The following PALLD variants were observed in gnomAD, a reference collection of about 807,000 sequenced individuals.
PALLD encodes the protein palladin.
A neutral mutation model predicts 123.5 loss-of-function variants in PALLD; 61 were observed. The ratio of observed to expected loss-of-function variants is 0.49; its 90% confidence interval spans 0.40 to 0.61. The LOEUF (loss-of-function observed/expected upper bound fraction) is 0.61, where lower values mean the gene tolerates loss of function less well. Among genes scored for constraint, PALLD ranks in the 20% least tolerant of loss-of-function variants. The pLI is 0.00. For synonymous variants in PALLD, 465 were observed against 496.4 expected (o/e 0.94, Z 0.84); for missense variants, 1,273 against 1,377.0 (o/e 0.92, Z 1.20).
intron 10 of PALLD, among the ~76,000 whole-genome samples, chr4:168,874,515 GATATTCTTAAAT>G (rs1751484433): frequency 6.6e-6 from 1 of 152,158 alleles, no homozygotes. Flanking sequence ...TTTGAAGTCA[GATATTCTTAAAT>G]ATATTCTTAA....
Position 168,878,390 on chromosome 4 carries a change from C to G in PALLD, c.1965-12532C>G, listed in dbSNP as rs979242789. On this transcript the variant is annotated intron_variant, in intron 10 of 21. Coordinates refer to ENST00000505667, the MANE Select transcript of PALLD (RefSeq NM_001166108.2). ...CCTGGGGCTGCCCAAGGGTGTCACC[C>G]CCGCGTGAGTAACCGCCGCGGTCCT... The G allele has an allele frequency of 1.3e-6, 2 of 1,490,662 alleles. No individual in the cohort carries two copies. The highest frequency in any genetic ancestry group is 2.2e-5 in the Admixed American group (1 of 44,556). The allele number at this position is 1,490,662 out of a possible 1,614,324, so 92.3% of individuals were successfully genotyped here. A position where few individuals can be genotyped will look rare whatever the true frequency, so the allele number is the denominator to read the frequency against.
At chr4:168,906,215 C>A (rs997678334) in intron 15 of PALLD, among the ~76,000 whole-genome samples, 5 of 152,066 alleles carry the variant, frequency 3.3e-5, no homozygotes, top group African/African-American at 1.2e-4. Flanking sequence ...ACACTGGGAA[C>A]CTGCTATTAA....
intron 10 of PALLD, among the ~76,000 whole-genome samples, chr4:168,783,255 A>G (rs953199698): frequency 1.3e-5 from 2 of 152,172 alleles, no homozygotes; most frequent in African/African-American, 2.4e-5. Flanking sequence ...ATTACTCAGT[A>G]TTAAAGGAAG....
intron 10 of PALLD, among the ~76,000 whole-genome samples, chr4:168,761,638 G>GT (rs1236899227): frequency 7.7e-4 from 15 of 19,512 alleles, no homozygotes; most frequent in Admixed American, 8.3e-4. Context: ...TTTTGTTGTT[G>GT]TTGTTTGTTT....
intron 10 of PALLD, among the ~76,000 whole-genome samples, chr4:168,731,395 C>A (rs190823668): frequency 8.3e-4 from 126 of 152,294 alleles, no homozygotes; most frequent in Middle Eastern, 6.8e-3. Flanking sequence ...CCCCTATTCC[C>A]AAGCTAGATG....
At chr4:168,796,889 G>A (rs1738588369) in intron 10 of PALLD, among the ~76,000 whole-genome samples, 1 of 152,128 alleles carries the variant, frequency 6.6e-6, no homozygotes, top group African/African-American at 2.4e-5. Flanking sequence ...TTAGCTAGAA[G>A]GAGCAAAGTA....
intron 10 of PALLD, among the ~76,000 whole-genome samples, chr4:168,854,237 A>G (rs1482099026): frequency 1.3e-5 from 2 of 152,136 alleles, no homozygotes; most frequent in Non-Finnish European, 2.9e-5. Context: ...TGAACAGAAT[A>G]GATGTGAACT....
chr4:168,673,503 G>A (rs1352448967), intron 3 of PALLD, among the ~76,000 whole-genome samples: 4 of 152,212 alleles, frequency 2.6e-5, no homozygotes, highest in African/African-American at 9.6e-5. Flanking sequence ...GCCGCAGCCG[G>A]GGTATGCCGG....
chr4:168,720,509 A>G (rs906583390), intron 10 of PALLD, among the ~76,000 whole-genome samples: 1 of 152,222 alleles, frequency 6.6e-6, no homozygotes, highest in Admixed American at 6.5e-5. Context: ...GTTTGTTGTT[A>G]TAAAATTATA....
chr4:168,621,295 A>G (rs899658419), intron 2 of PALLD, among the ~76,000 whole-genome samples: 4 of 152,200 alleles, frequency 2.6e-5, no homozygotes, highest in Non-Finnish European at 5.9e-5. Context: ...AACTTCTCTC[A>G]TCACTACTAA....
At chr4:168,764,784 G>A (rs1169495323) in intron 10 of PALLD, among the ~76,000 whole-genome samples, 3 of 152,240 alleles carry the variant, frequency 2.0e-5, no homozygotes, top group Non-Finnish European at 1.5e-5. Flanking sequence ...CTCTAAGCAA[G>A]TTTTCCTTTC....
rs1190155136 is a variant in PALLD, at chr4:168,584,555, G to T, written c.908+72143G>T. On this transcript the variant is annotated intron_variant, in intron 2 of 21. Transcript: ENST00000505667. The stretch of plus-strand genomic sequence containing the variant: ...ATTTGTGTGATTGCCTTCATGAAAA[G>T]TTGGATATATAAAATAAATGTCACT... 2.0e-5 allele frequency among the ~76,000 whole-genome samples: 3 copies of T among 152,166 alleles called. No individual in the cohort carries two copies. The East Asian group carries it at 5.8e-4, about 29-fold the overall frequency.
intron 2 of PALLD, among the ~76,000 whole-genome samples, chr4:168,622,561 G>A (rs1052638174): frequency 2.1e-4 from 32 of 152,150 alleles, no homozygotes; most frequent in Non-Finnish European, 3.5e-4. Flanking sequence ...GTGGAAACGC[G>A]TATGTTTTCT....
rs113464888 is a variant in PALLD, at chr4:168,870,533, T to C, written c.1965-20389T>C. The stretch of plus-strand genomic sequence containing the variant: ...GTTTTTCAAAAACAGTTTAAATAGG[T>C]GTGAAAACAGCATATGCATAAGGTT... On this transcript the variant is annotated intron_variant, in intron 10 of 21. Transcript: ENST00000505667. Among the ~76,000 whole-genome samples the C allele has an allele frequency of 9.3e-4, 141 of 152,296 alleles. 1 individual carries two copies. The highest frequency in any genetic ancestry group is 3.3e-3 in the African/African-American group (136 of 41,560).
At chr4:168,835,445 A>C (rs779158813) in intron 10 of PALLD, among the ~76,000 whole-genome samples, 67 of 152,302 alleles carry the variant, frequency 4.4e-4, no homozygotes, top group Non-Finnish European at 9.1e-4. Context: ...CATACAAGAA[A>C]TGGAACTCGA....
chr4:168,555,083 T>C (rs1767137933), intron 2 of PALLD, among the ~76,000 whole-genome samples: 1 of 152,200 alleles, frequency 6.6e-6, no homozygotes. Context: ...AAATATTCAA[T>C]TTTATTGGAG....
intron 2 of PALLD, among the ~76,000 whole-genome samples, chr4:168,658,174 A>T (rs1390463936): frequency 6.6e-6 from 1 of 152,100 alleles, no homozygotes; most frequent in Non-Finnish European, 1.5e-5. Context: ...TGAGGAAAAT[A>T]TTAGAAGCAA....
At position 168,903,855 on chromosome 4, in the gene PALLD, C is replaced by T. The variant is rs746478367; in HGVS notation, c.2571C>T (p.Ala857=). Reference sequence around the variant, plus strand: ...GGACCTGCTCCCTCCATACCACAGCCTCCACCCTAGATGATGATGGGAATT... The same window carrying T: ...GGACCTGCTCCCTCCATACCACAGCTTCCACCCTAGATGATGATGGGAATT... ...LDGTCSLHTT[A]STLDDDGNYT... The change falls in exon 15 of 22, where the codon GCC becomes GCT. Residue 857 remains alanine, a synonymous_variant. Coordinates refer to ENST00000505667, the MANE Select transcript of PALLD (RefSeq NM_001166108.2). The T allele has an allele frequency of 6.2e-7, 1 of 1,613,832 alleles. No individual in the cohort carries two copies. Among genetic ancestry groups the T allele is most frequent in the Admixed American group, 1.7e-5 (1 of 60,004 alleles).
chr4:168,825,639 C>G (rs1743313707), intron 10 of PALLD, among the ~76,000 whole-genome samples: 1 of 152,150 alleles, frequency 6.6e-6, no homozygotes, highest in Non-Finnish European at 1.5e-5. Flanking sequence ...CTATGTATAG[C>G]CTGTCGGAGT....
Sources: allele counts gnomAD v4.1 joint callset (sites outside exome capture counted in the v4.1 genomes callset), GRCh38; gene constraint gnomAD v4.1.1; transcripts MANE v1.5; gene names NCBI Gene and HGNC (gene_info 2026-07-23, HGNC 2026-07-21).